The following TTC23 variants were observed in gnomAD, a reference collection of about 807,000 sequenced individuals.
TTC23 encodes the protein tetratricopeptide repeat protein 23.
In TTC23, 58 loss-of-function variants were observed where a neutral mutation model predicts 55.1. The ratio of observed to expected loss-of-function variants is 1.05; its 90% CI spans 0.85 to 1.31. TTC23 has a LOEUF of 1.31. TTC23 is among the 50% of genes most tolerant of loss of function. The pLI is 0.00. For synonymous variants in TTC23, 203 were observed against 199.9 expected, an observed-to-expected ratio of 1.02 and a Z score of -0.13; for missense variants, 516 against 534.4, an observed-to-expected ratio of 0.97 and a Z score of 0.34.
At chr15:99,160,805 G>C (rs1392725003) in intron 11 of TTC23, 3 of 152,048 alleles carry the variant, frequency 2.0e-5, no homozygotes, top group Admixed American at 2.0e-4. Context: ...ACGGGGTCAG[G>C]AGTTCAAGAT....
chr15:99,194,416 TG>T (rs2075517339), intron 9 of TTC23, among the ~76,000 whole-genome samples: 1 of 152,058 alleles, frequency 6.6e-6, no homozygotes, highest in Admixed American at 6.5e-5. Flanking sequence ...AAAGAGATCA[TG>T]GAACAGAATA....
chr15:99,181,563 T>G (rs1263637511), intron 9 of TTC23, among the ~76,000 whole-genome samples: 3 of 152,206 alleles, frequency 2.0e-5, no homozygotes, highest in African/African-American at 7.2e-5. Context: ...TGACCAGCTG[T>G]GAAGCTGCAT....
chr15:99,156,075 A>G (rs916062908), intron 12 of TTC23, 73 bp downstream of exon 12: 1 of 1,601,022 alleles, frequency 6.2e-7, no homozygotes, highest in Non-Finnish European at 8.5e-7. Flanking sequence ...AAGAACCACC[A>G]CAAGGGAGAG....
chr15:99,187,465 A>AAG (rs1567429711), intron 9 of TTC23, among the ~76,000 whole-genome samples: 1 of 137,460 alleles, frequency 7.3e-6, no homozygotes, highest in Non-Finnish European at 1.5e-5. Flanking sequence ...AAAAAAAAAA[A>AAG]AAACAAAACA....
intron 6 of TTC23, among the ~76,000 whole-genome samples, chr15:99,221,505 T>TAAAAAC (rs1024165183): frequency 1.3e-5 from 2 of 152,222 alleles, no homozygotes; most frequent in Admixed American, 6.5e-5. Flanking sequence ...TTTGAAATCA[T>TAAAAAC]AAAAACAAAA....
At chr15:99,231,885 C>T (rs888469591) in intron 4 of TTC23, among the ~76,000 whole-genome samples, 1 of 151,720 alleles carries the variant, frequency 6.6e-6, no homozygotes, top group Non-Finnish European at 1.5e-5. Context: ...CTCTACCCCC[C>T]AGGTTCAAGC....
intron 12 of TTC23, 49 bp from the exon 13 acceptor site, chr15:99,139,448 A>C: frequency 6.2e-7 from 1 of 1,612,770 alleles, no homozygotes; most frequent in Non-Finnish European, 8.5e-7. Context: ...TGTCGCTGAG[A>C]GCAGGAAACT....
At chr15:99,189,339 C>A (rs1210817504) in intron 9 of TTC23, among the ~76,000 whole-genome samples, 1 of 152,098 alleles carries the variant, frequency 6.6e-6, no homozygotes, top group African/African-American at 2.4e-5. Flanking sequence ...TATTTTACAA[C>A]CATCACAGTT....
At chr15:99,233,530 A>C (rs2079084635) in intron 4 of TTC23, among the ~76,000 whole-genome samples, 1 of 152,132 alleles carries the variant, frequency 6.6e-6, no homozygotes, top group African/African-American at 2.4e-5. Flanking sequence ...ACTTGACAAG[A>C]TCTAATATCT....
At chr15:99,227,936 C>T (rs545408453) in intron 5 of TTC23, among the ~76,000 whole-genome samples, 1 of 152,340 alleles carries the variant, frequency 6.6e-6, no homozygotes, top group South Asian at 2.1e-4. Context: ...ATCTATGTCA[C>T]TCGAGCTCTC....
chr15:99,233,672 C>T (rs747279238), intron 4 of TTC23, among the ~76,000 whole-genome samples: 21 of 152,112 alleles, frequency 1.4e-4, no homozygotes, highest in Non-Finnish European at 2.5e-4. Context: ...TTTATCTCTA[C>T]GATCAGAAAC....
At chr15:99,217,410 G>T (rs555933156) in intron 8 of TTC23, among the ~76,000 whole-genome samples, 1 of 152,252 alleles carries the variant, frequency 6.6e-6, no homozygotes, top group East Asian at 1.9e-4. Context: ...ACCTGCCTCA[G>T]CCTCCCAAAG....
intron 10 of TTC23, among the ~76,000 whole-genome samples, chr15:99,174,571 C>T (rs2623191): frequency 0.81 from 123,088 of 152,166 alleles, 50,081 homozygotes; most frequent in East Asian, 0.93. Flanking sequence ...CTACCTATTA[C>T]GCGGGGATAA....
rs782413832 is a variant in TTC23, at chr15:99,139,396, GAC to G, written c.1145_1146del (p.Cys382SerfsTer71). ...HSGARKKLKK[C>X]LQIQTLLYGP... ...CCATATAAGAGGGTCTGGATCTGGA[GAC>G]ACTGTAGAACACCAAGCAGCTATCA... is the stretch of plus-strand genomic sequence containing the variant. On this transcript the variant is annotated frameshift_variant and splice_region_variant, in exon 13 of 14. Coordinates refer to ENST00000394132, the MANE Select transcript of TTC23 (RefSeq NM_001288615.3). LOFTEE classifies it high-confidence loss of function. 3.7e-6 allele frequency: 6 copies of G among 1,614,068 alleles called. No homozygotes were observed. Among genetic ancestry groups the G allele is most frequent in the Non-Finnish European group, 5.1e-6 (6 of 1,180,030 alleles).
At chr15:99,189,706 T>C (rs1364041393) in intron 9 of TTC23, among the ~76,000 whole-genome samples, 1 of 152,148 alleles carries the variant, frequency 6.6e-6, no homozygotes, top group African/African-American at 2.4e-5. Flanking sequence ...TCTTCAAAAA[T>C]TTCAATGTCA....
At chr15:99,174,412 C>T (rs528792916) in intron 10 of TTC23, among the ~76,000 whole-genome samples, 5 of 151,498 alleles carry the variant, frequency 3.3e-5, no homozygotes, top group South Asian at 4.2e-4. Context: ...TCTTGGAATA[C>T]ACCCCTAGGT....
At chr15:99,184,526 G>C (rs1024937050) in intron 9 of TTC23, among the ~76,000 whole-genome samples, 10 of 152,202 alleles carry the variant, frequency 6.6e-5, no homozygotes, top group African/African-American at 2.2e-4. Flanking sequence ...ATTGGATTTT[G>C]GACTTGCATG....
At chr15:99,234,713 GAT>G (rs1338451266) in intron 4 of TTC23, among the ~76,000 whole-genome samples, 1 of 152,034 alleles carries the variant, frequency 6.6e-6, no homozygotes, top group Non-Finnish European at 1.5e-5. Context: ...CATCAAAGAA[GAT>G]ATACCAAGAA....
intron 8 of TTC23, among the ~76,000 whole-genome samples, chr15:99,211,394 A>G (rs887359356): frequency 6.6e-6 from 1 of 152,134 alleles, no homozygotes; most frequent in Non-Finnish European, 1.5e-5. Flanking sequence ...AAACAAAAAA[A>G]AAGAAGAAGT....
Sources: gnomAD v4.1 joint callset for allele counts (sites outside exome capture counted in the v4.1 genomes callset) on GRCh38, gnomAD v4.1.1 for gene constraint, MANE v1.5 for transcripts, NCBI Gene and HGNC (gene_info 2026-07-23, HGNC 2026-07-21) for gene names.